Variants in BICRA observed in about 807,000 individuals in gnomAD.
BICRA encodes BRD4 interacting chromatin remodeling complex associated protein.
Under a neutral mutation model 96.9 loss-of-function variants are expected in BICRA, and 31 were observed. The ratio of observed to expected loss-of-function variants is 0.32; its 90% CI spans 0.24 to 0.43. BICRA has a LOEUF of 0.43. BICRA is among the 20% of genes least tolerant of loss of function. BICRA has a pLI of 1.00. For synonymous variants in BICRA, 1,350 were observed against 1,071.8 expected (o/e 1.26, Z -5.07); for missense variants, 2,283 against 2,190.3 (o/e 1.04, Z -0.84).
At position 47,675,885 on chromosome 19, in the gene BICRA, A is replaced by C; in HGVS notation, c.119A>C (p.Glu40Ala). The C allele has an allele frequency of 6.2e-7, 1 of 1,608,178 alleles. No homozygotes were observed. Among genetic ancestry groups the C allele is most frequent in the Non-Finnish European group, 8.5e-7 (1 of 1,177,146 alleles). Residue 40 changes from glutamate to alanine, a missense_variant, in exon 5 of 15, where the codon GAG becomes GCG. By Grantham distance (107) the Glu-to-Ala change is moderately radical (BLOSUM62 -1). Coordinates refer to ENST00000594866, the MANE Select transcript of BICRA (RefSeq NM_001394372.1). The surrounding 1 kb of genome is among the most constrained non-coding windows in gnomAD (Gnocchi z 4.7). ...DSDDLLDNPG[E>A]AQSAFYEGPG... ...GATGACCTCCTGGATAATCCCGGGG[A>C]GGCCCAAAGTGCCTTCTATGAAGGT... is the stretch of plus-strand genomic sequence containing the variant.
chr19:47,695,927 G>A (rs540696255), intron 10 of BICRA, among the ~76,000 whole-genome samples: 167 of 152,160 alleles, frequency 1.1e-3, no homozygotes, highest in African/African-American at 3.1e-3. Flanking sequence ...GATGTAAGAC[G>A]TGGGGGAGAC....
At chr19:47,685,778 T>TGC (rs1297376745) in intron 7 of BICRA, among the ~76,000 whole-genome samples, 17 of 131,730 alleles carry the variant, frequency 1.3e-4, no homozygotes, top group East Asian at 8.8e-4. Flanking sequence ...TGTGTGTGTG[T>TGC]GTGTGTGTGC....
At chr19:47,650,077 G>C (rs1972519412) in intron 1 of BICRA, among the ~76,000 whole-genome samples, 1 of 151,942 alleles carries the variant, frequency 6.6e-6, no homozygotes, top group South Asian at 2.1e-4. Context: ...TCAGCTTCCT[G>C]AGTAGCTGGG....
rs755670052 is a variant in BICRA at position 47,681,201 on chromosome 19, C to T, written c.2031C>T (p.Ile677=). The part of the protein sequence containing the change: ...SPGLASSPEK[I]VLGQPPSATP... ...GCCTGGCGTCTAGCCCGGAGAAGAT[C>T]GTCCTGGGGCAGCCGCCCTCTGCCA... The change falls in exon 6 of 15, where the codon ATC becomes ATT. Residue 677 remains isoleucine, a synonymous_variant. Coordinates refer to ENST00000594866, the MANE Select transcript of BICRA (RefSeq NM_001394372.1). 1 of 1,533,226 alleles carries T rather than the reference C, an allele frequency of 6.5e-7. No homozygotes were observed. Among genetic ancestry groups the T allele is most frequent in the Non-Finnish European group, 8.7e-7 (1 of 1,144,326 alleles). 95.0% of individuals were successfully genotyped at this position (1,533,226 alleles called of 1,614,324 possible).
chr19:47,659,656 C>T (rs1031563003), intron 1 of BICRA, among the ~76,000 whole-genome samples: 1 of 148,910 alleles, frequency 6.7e-6, no homozygotes, highest in Non-Finnish European at 1.5e-5. Context: ...GTGCAGTGAA[C>T]AACCTGTGCA....
chr19:47,617,274 C>T (rs1376355215), intron 1 of BICRA, among the ~76,000 whole-genome samples: 3 of 152,134 alleles, frequency 2.0e-5, no homozygotes, highest in African/African-American at 7.2e-5. Flanking sequence ...TGCACCTGGC[C>T]GTCTTTGTTT....
At position 47,627,291 on chromosome 19, in the gene BICRA, T is replaced by C. The variant is rs563251425; in HGVS notation, c.-108+18123T>C. On this transcript the variant is annotated intron_variant, in intron 1 of 14. Transcript: ENST00000594866. ...TGGAGTCAGGATTTGGGGGGTGTGGTGTAGGTCTAGAGCCAACTGTGGCAC... is the reference window on the plus strand; with the variant it reads ...TGGAGTCAGGATTTGGGGGGTGTGGCGTAGGTCTAGAGCCAACTGTGGCAC... 3.9e-5 allele frequency among the ~76,000 whole-genome samples: 6 copies of C among 152,220 alleles called. 1 individual carries two copies. The highest frequency in any genetic ancestry group is 1.4e-4 in the African/African-American group (6 of 41,540).
intron 1 of BICRA, among the ~76,000 whole-genome samples, chr19:47,621,466 CTTTT>C (rs751401159): frequency 7.4e-6 from 1 of 135,008 alleles, no homozygotes; most frequent in Admixed American, 7.5e-5. Context: ...ATTTTTTAGT[CTTTT>C]TTTTTTTTTT....
intron 7 of BICRA, among the ~76,000 whole-genome samples, chr19:47,684,312 G>C (rs558117938): frequency 6.6e-6 from 1 of 152,236 alleles, no homozygotes; most frequent in African/African-American, 2.4e-5. Flanking sequence ...CTTCTGGGTA[G>C]CTGGGATTAC....
At position 47,680,574 on chromosome 19, in the gene BICRA, C is replaced by A; in HGVS notation, c.1404C>A (p.Gly468=). 1 of 1,603,240 alleles carries A rather than the reference C, an allele frequency of 6.2e-7. No homozygotes were observed. ...IVIPAQHMLP[G]QNQFLLPGAP... is the part of the protein sequence containing the mutation. ...TCCCCGCCCAGCACATGCTGCCGGGCCAGAACCAGTTCCTACTGCCTGGCG... is the reference window on the plus strand; with the variant it reads ...TCCCCGCCCAGCACATGCTGCCGGGACAGAACCAGTTCCTACTGCCTGGCG... Residue 468 remains glycine (G), a synonymous_variant, in exon 6 of 15, where the codon GGC becomes GGA. Transcript: ENST00000594866.
intron 7 of BICRA, among the ~76,000 whole-genome samples, chr19:47,684,066 GTTTT>G (rs1241755520): frequency 8.5e-5 from 13 of 152,220 alleles, no homozygotes; most frequent in Admixed American, 8.5e-4. Context: ...TCAGCAACCA[GTTTT>G]TCATTCCATC....
chr19:47,691,177 A>G (rs1973235942), intron 7 of BICRA, among the ~76,000 whole-genome samples: 1 of 152,246 alleles, frequency 6.6e-6, no homozygotes, highest in African/African-American at 2.4e-5. Context: ...TATTAGCAGG[A>G]GGCCTCAATT....
chr19:47,638,321 G>T (rs1972331345), intron 1 of BICRA, among the ~76,000 whole-genome samples: 1 of 152,208 alleles, frequency 6.6e-6, no homozygotes. Context: ...TCCCGGGAAG[G>T]CATAGGGAGA....
chr19:47,614,566 G>A (rs893251356), intron 1 of BICRA, among the ~76,000 whole-genome samples: 2 of 152,210 alleles, frequency 1.3e-5, no homozygotes, highest in Non-Finnish European at 2.9e-5. Context: ...GCGGTGAGCC[G>A]AGATTGCGGT....
chr19:47,680,592 G>A lies in BICRA; in HGVS notation c.1422G>A (p.Leu474=). The A allele has an allele frequency of 6.2e-7, 1 of 1,608,288 alleles. No individual in the cohort carries two copies. The highest frequency in any genetic ancestry group is 2.2e-5 in the East Asian group (1 of 44,686). Residue 474 remains leucine (L), a synonymous_variant, in exon 6 of 15, where the codon CTG becomes CTA. Coordinates refer to ENST00000594866, the MANE Select transcript of BICRA (RefSeq NM_001394372.1). The stretch of plus-strand genomic sequence containing the variant: ...TGCCGGGCCAGAACCAGTTCCTACT[G>A]CCTGGCGCCCCGGCGGTCCAGCTCC... ...HMLPGQNQFL[L]PGAPAVQLPQ...
At chr19:47,667,649 G>A (rs1006291524) in intron 1 of BICRA, among the ~76,000 whole-genome samples, 1 of 152,122 alleles carries the variant, frequency 6.6e-6, no homozygotes, top group Non-Finnish European at 1.5e-5. Context: ...CTGCTTTCTA[G>A]CTCTTTCTGG....
intron 7 of BICRA, among the ~76,000 whole-genome samples, chr19:47,687,523 G>A (rs769631533): frequency 1.3e-5 from 2 of 152,070 alleles, no homozygotes; most frequent in South Asian, 2.1e-4. Flanking sequence ...TTGACTGAGC[G>A]TGTTGGCTCA....
chr19:47,626,704 AGCT>A (rs1227406670), intron 1 of BICRA, among the ~76,000 whole-genome samples: 1 of 140,118 alleles, frequency 7.1e-6, no homozygotes, highest in Non-Finnish European at 1.5e-5. Flanking sequence ...TACCACGTCC[AGCT>A]GCATCCTGGG....
intron 1 of BICRA, among the ~76,000 whole-genome samples, chr19:47,646,837 G>A (rs369695261): frequency 1.3e-5 from 2 of 151,808 alleles, no homozygotes; most frequent in East Asian, 3.9e-4. Flanking sequence ...CATGTAAATC[G>A]TTCACCACAG....
Sources: gnomAD v4.1 joint callset for allele counts (sites outside exome capture counted in the v4.1 genomes callset) on GRCh38, gnomAD v4.1.1 for gene constraint, Gnocchi (gnomAD v3.1) non-coding constraint, MANE v1.5 for transcripts, NCBI Gene and HGNC (gene_info 2026-07-23, HGNC 2026-07-21) for gene names.